The following WWOX variants were observed in gnomAD, a reference collection of about 807,000 sequenced individuals.
The protein encoded by WWOX is WW domain containing oxidoreductase, also known as WW domain-containing oxidoreductase.
Under a neutral mutation model 46.2 loss-of-function variants are expected in WWOX, and 69 were observed. The ratio of observed to expected loss-of-function variants is 1.49; its 90% CI spans 1.23 to 1.82. The LOEUF (loss-of-function observed/expected upper bound fraction) is 1.82. Ranked by LOEUF, WWOX falls within the 40% of genes most tolerant of loss-of-function variation. The pLI is 0.00. For synonymous variants in WWOX, 359 were observed against 202.6 expected, an observed-to-expected ratio of 1.77 and a Z score of -6.56; for missense variants, 919 against 542.6, an observed-to-expected ratio of 1.69 and a Z score of -6.89.
intron 8 of WWOX, among the ~76,000 whole-genome samples, chr16:78,749,004 A>G (rs1023488764): frequency 1.3e-5 from 2 of 152,234 alleles, no homozygotes; most frequent in Non-Finnish European, 1.5e-5. Context: ...TGCAAGGTTT[A>G]TTTGTAGCAG....
intron 6 of WWOX, among the ~76,000 whole-genome samples, chr16:78,422,660 C>CAT (rs1388283094): frequency 4.6e-4 from 3 of 6,532 alleles, no homozygotes; most frequent in Non-Finnish European, 1.7e-3. Flanking sequence ...GTTTTTTTTA[C>CAT]ATGTATATAT....
At chr16:78,720,880 T>C (rs2048673455) in intron 8 of WWOX, among the ~76,000 whole-genome samples, 1 of 152,148 alleles carries the variant, frequency 6.6e-6, no homozygotes, top group Non-Finnish European at 1.5e-5. Context: ...TTAAAATTAA[T>C]TTGGTCCTAA....
chr16:78,834,830 T>C (rs923190539), intron 8 of WWOX, among the ~76,000 whole-genome samples: 1 of 152,216 alleles, frequency 6.6e-6, no homozygotes, highest in East Asian at 1.9e-4. Flanking sequence ...TATATAAATA[T>C]GAAGCTTTAG....
At position 79,212,082 on chromosome 16, in the gene WWOX, C is replaced by A. The variant is rs1012218710; in HGVS notation, c.*286C>A. Reference sequence around the variant, plus strand: ...TGCTTGGTGTGTAGGTTCCGTATCTCCCTGGAGAAGCACCAGCAATTCTCT... The same window carrying A: ...TGCTTGGTGTGTAGGTTCCGTATCTACCTGGAGAAGCACCAGCAATTCTCT... On this transcript the variant is annotated 3_prime_UTR_variant, in exon 9 of 9. Coordinates refer to ENST00000566780, the MANE Select transcript of WWOX (RefSeq NM_016373.4). 5.9e-6 allele frequency: 9 copies of A among 1,536,112 alleles called. No homozygotes were observed. In the Admixed American group the frequency reaches 5.9e-5, roughly 10 times the overall value.
At chr16:78,140,062 A>G (rs2033932485) in intron 4 of WWOX, among the ~76,000 whole-genome samples, 1 of 152,158 alleles carries the variant, frequency 6.6e-6, no homozygotes, top group Non-Finnish European at 1.5e-5. Context: ...GAGTCAGAGA[A>G]TCTCTAGGAT....
At chr16:78,442,785 G>C (rs2083472695) in intron 8 of WWOX, among the ~76,000 whole-genome samples, 1 of 151,744 alleles carries the variant, frequency 6.6e-6, no homozygotes, top group Non-Finnish European at 1.5e-5. Context: ...TTCGAGACCA[G>C]CCTGGTCAAC....
At chr16:78,903,362 G>A (rs1162216888) in intron 8 of WWOX, among the ~76,000 whole-genome samples, 2 of 152,188 alleles carry the variant, frequency 1.3e-5, no homozygotes, top group Non-Finnish European at 2.9e-5. Flanking sequence ...TTACAGAGTT[G>A]CTCTTTTATG....
intron 5 of WWOX, among the ~76,000 whole-genome samples, chr16:78,284,241 C>T (rs1181277256): frequency 6.6e-6 from 1 of 152,160 alleles, no homozygotes; most frequent in Non-Finnish European, 1.5e-5. Flanking sequence ...TAACTTCCGT[C>T]TACTTTTTGC....
At chr16:78,264,540 C>T (rs2079319199) in intron 5 of WWOX, 1 of 152,196 alleles carries the variant, frequency 6.6e-6, no homozygotes, top group African/African-American at 2.4e-5. Flanking sequence ...TACAGTGCTA[C>T]TCTCAGCTGA....
chr16:78,756,998 C>A (rs766325608), intron 8 of WWOX: 1 of 702,704 alleles, frequency 1.4e-6, no homozygotes, highest in Admixed American at 2.0e-5. Flanking sequence ...AAGAACTGAG[C>A]CTCCTGCCAA....
intron 6 of WWOX, 103 bp from the exon 7 acceptor site, chr16:78,424,767 G>A (rs925097988): frequency 7.8e-7 from 1 of 1,281,702 alleles, no homozygotes; most frequent in Admixed American, 1.7e-5. Context: ...ATTATCCTTG[G>A]TTGTAGTGTT....
intron 8 of WWOX, chr16:79,203,393 T>G (rs1804062525): frequency 6.6e-6 from 1 of 152,152 alleles, no homozygotes; most frequent in Admixed American, 6.5e-5. Context: ...GGCCTACCTG[T>G]GAGATCTGAA....
chr16:79,101,100 C>G (rs2049183801), intron 8 of WWOX: 1 of 152,314 alleles, frequency 6.6e-6, no homozygotes. Context: ...AACGGCCACT[C>G]AGAAATGGTG....
intron 8 of WWOX, among the ~76,000 whole-genome samples, chr16:78,922,817 G>T (rs1431628197): frequency 6.6e-6 from 1 of 152,118 alleles, no homozygotes; most frequent in Non-Finnish European, 1.5e-5. Flanking sequence ...TGGAGCTTGG[G>T]GGTCCCAGTC....
At chr16:79,134,665 C>T (rs143982531) in intron 8 of WWOX, among the ~76,000 whole-genome samples, 10 of 152,218 alleles carry the variant, frequency 6.6e-5, no homozygotes, top group African/African-American at 1.4e-4. Context: ...ATTTAGGTCG[C>T]GATTTCTTCA....
intron 8 of WWOX, among the ~76,000 whole-genome samples, chr16:78,679,572 AAAAT>A (rs927854663): frequency 1.3e-5 from 2 of 152,140 alleles, no homozygotes; most frequent in African/African-American, 2.4e-5. Flanking sequence ...AAATAAATAA[AAAAT>A]AAATATAATA....
intron 8 of WWOX, among the ~76,000 whole-genome samples, chr16:78,766,285 G>A (rs7199640): frequency 0.68 from 104,081 of 152,122 alleles, 35,798 homozygotes; most frequent in African/African-American, 0.72. Context: ...TCTCCTGTGT[G>A]TCGCTAGCCT....
intron 1 of WWOX, among the ~76,000 whole-genome samples, chr16:78,106,590 A>G (rs779291817): frequency 9.2e-5 from 14 of 151,786 alleles, no homozygotes; most frequent in Non-Finnish European, 1.6e-4. Context: ...CTAATTTTGT[A>G]TTTTTAGTAG....
chr16:78,983,286 A>C (rs923863432), intron 8 of WWOX, among the ~76,000 whole-genome samples: 11 of 152,194 alleles, frequency 7.2e-5, no homozygotes, highest in African/African-American at 2.4e-4. Flanking sequence ...CTGGCCAAGA[A>C]GCTGGCGGGA....
Sources: gnomAD v4.1 joint callset for allele counts (sites outside exome capture counted in the v4.1 genomes callset) on GRCh38, gnomAD v4.1.1 for gene constraint, MANE v1.5 for transcripts, NCBI Gene and HGNC (gene_info 2026-07-23, HGNC 2026-07-21) for gene names.